The following SLC25A25 variants were observed in gnomAD, a reference collection of about 807,000 sequenced individuals.
SLC25A25 encodes solute carrier family 25 member 25.
SLC25A25 carries 32 observed loss-of-function variants against 57.7 expected under a neutral mutation model. The ratio of observed to expected loss-of-function variants is 0.55; its 90% confidence interval spans 0.42 to 0.74. SLC25A25 has a LOEUF of 0.74. SLC25A25 is among the 30% of genes least tolerant of loss of function. The pLI, the probability that SLC25A25 is intolerant of heterozygous loss-of-function variation, is 0.00. For synonymous variants in SLC25A25, 306 were observed against 291.2 expected, an observed-to-expected ratio of 1.05 and a Z score of -0.52; for missense variants, 556 against 701.3, an observed-to-expected ratio of 0.79 and a Z score of 2.34.
At chr9:128,076,937 T>C (rs1833029788) in intron 1 of SLC25A25, among the ~76,000 whole-genome samples, 1 of 152,214 alleles carries the variant, frequency 6.6e-6, no homozygotes, top group Non-Finnish European at 1.5e-5. Context: ...CCCTTTCTAT[T>C]GTGAACCTAA....
intron 1 of SLC25A25, among the ~76,000 whole-genome samples, chr9:128,069,918 A>ATTTT (rs758820179): frequency 1.9e-5 from 2 of 103,062 alleles, no homozygotes; most frequent in East Asian, 3.1e-4. Flanking sequence ...CACCCAGCTA[A>ATTTT]TTTTTTTTTT....
At chr9:128,077,126 C>T (rs1650943873) in intron 1 of SLC25A25, among the ~76,000 whole-genome samples, 1 of 152,214 alleles carries the variant, frequency 6.6e-6, no homozygotes, top group Non-Finnish European at 1.5e-5. Context: ...TATCATCATG[C>T]ACTTCTCAGG....
intron 1 of SLC25A25, among the ~76,000 whole-genome samples, chr9:128,079,864 G>A (rs899617369): frequency 2.0e-4 from 31 of 152,096 alleles, no homozygotes; most frequent in East Asian, 7.7e-4. Flanking sequence ...GGTGGTGCAC[G>A]CCTGTAGTCC....
In SLC25A25 at chr9:128,104,877, G is replaced by T. The variant is rs913285030; in HGVS notation, c.784-852G>T. Among the ~76,000 whole-genome samples the T allele has an allele frequency of 2.4e-4, 35 of 147,732 alleles. 1 individual carries two copies. The East Asian group carries it at 6.3e-3, about 26-fold the overall frequency. On this transcript the variant is annotated intron_variant, in intron 6 of 10. Coordinates refer to ENST00000373069, the MANE Select transcript of SLC25A25 (RefSeq NM_001330988.2). ...TATTATTATTATTATTATATTTTTT[G>T]AGACAGTCTCGCTCTGTCACCCAGG...
Position 128,074,284 on chromosome 9 carries a change from C to T in SLC25A25, c.261+5704C>T, listed in dbSNP as rs146676468. Among the ~76,000 whole-genome samples the T allele has an allele frequency of 1.1e-3, 166 of 151,738 alleles. 1 individual carries two copies. Among genetic ancestry groups the T allele is most frequent in the East Asian group, 6.8e-3 (35 of 5,112 alleles). ...CTCGAACTCCTGACCTCAGGCAGTC[C>T]GCCCACCTCAGCCTCCCAAAGTGCT... is the stretch of plus-strand genomic sequence containing the variant. On this transcript the variant is annotated intron_variant, in intron 1 of 10. Coordinates refer to ENST00000373069, the MANE Select transcript of SLC25A25 (RefSeq NM_001330988.2).
At chr9:128,074,908 G>C (rs1832977833) in intron 1 of SLC25A25, among the ~76,000 whole-genome samples, 1 of 151,910 alleles carries the variant, frequency 6.6e-6, no homozygotes, top group Non-Finnish European at 1.5e-5. Context: ...GGCTGAGGTG[G>C]GCAGATCACT....
At position 128,108,338 on chromosome 9, in the gene SLC25A25, C is replaced by G. The variant is rs1466984743; in HGVS notation, c.*894C>G. On this transcript the variant is annotated 3_prime_UTR_variant, in exon 11 of 11. Coordinates refer to ENST00000373069, the MANE Select transcript of SLC25A25 (RefSeq NM_001330988.2). ...GGACTGTTGGGAAAAGGGTTTTGTCCAGAAGGACAAGCCGGACAAATGAGC... is the reference window on the plus strand; with the variant it reads ...GGACTGTTGGGAAAAGGGTTTTGTCGAGAAGGACAAGCCGGACAAATGAGC... The G allele has an allele frequency of 5.0e-6, 2 of 398,264 alleles. No homozygotes were observed. Among genetic ancestry groups the G allele is most frequent in the Non-Finnish European group, 4.4e-6 (1 of 226,050 alleles). 24.7% of individuals were successfully genotyped at this position (398,264 alleles called of 1,614,324 possible).
chr9:128,088,172 G>A (rs1833319034), intron 1 of SLC25A25, among the ~76,000 whole-genome samples: 1 of 152,150 alleles, frequency 6.6e-6, no homozygotes, highest in Non-Finnish European at 1.5e-5. Flanking sequence ...GGCTTGCTTT[G>A]TTGGGCGGAA....
chr9:128,088,425 C>T (rs1264893360), intron 1 of SLC25A25, among the ~76,000 whole-genome samples: 1 of 152,172 alleles, frequency 6.6e-6, no homozygotes, highest in Non-Finnish European at 1.5e-5. Flanking sequence ...GCAGCTCTCT[C>T]CTCTCCGGCG....
Position 128,073,368 on chromosome 9 carries a change from C to T in SLC25A25, c.261+4788C>T, listed in dbSNP as rs147469177. Among the ~76,000 whole-genome samples the T allele has an allele frequency of 2.6e-5, 4 of 152,276 alleles. No homozygotes were observed. In the East Asian group the frequency reaches 7.7e-4, roughly 29 times the overall value. ...TACCCTGTCAAAGAACAAGAATCCG[C>T]CCTCCCCCATTTCTCTCCCTGACCC... On this transcript the variant is annotated intron_variant, in intron 1 of 10. Transcript: ENST00000373069.
chr9:128,101,348 A>T lies in SLC25A25; in HGVS notation c.428A>T (p.Asp143Val), dbSNP rs144383132. ...DAQEIMQSLR[D>V]LGVKISEQQA... The stretch of plus-strand genomic sequence containing the variant: ...CAGGAGATCATGCAGTCCCTGCGGG[A>T]CTTGGGAGTCAAGATATCTGAACAG... Residue 143 changes from aspartate (D) to valine (V), a missense_variant, in exon 3 of 11, where the codon GAC becomes GTC. By Grantham distance (152) the Asp-to-Val change is radical. Around this residue, in one of 3 missense-constraint regions of SLC25A25, gnomAD observed 248 missense variants for 273.5 expected, o/e 0.91. Transcript: ENST00000373069. This position sits in a 1 kb window ranked among gnomAD's most constrained non-coding sequence, Gnocchi z 4.9. 438 of 1,614,238 alleles carry T rather than the reference A, an allele frequency of 2.7e-4. No individual in the cohort carries two copies. Among genetic ancestry groups the T allele is most frequent in the Non-Finnish European group, 3.5e-4 (415 of 1,180,044 alleles).
intron 1 of SLC25A25, among the ~76,000 whole-genome samples, chr9:128,078,985 G>A (rs935260585): frequency 6.6e-6 from 1 of 152,096 alleles, no homozygotes; most frequent in Non-Finnish European, 1.5e-5. Context: ...ACAGGAAGCC[G>A]TGACTAAAAT....
chr9:128,098,648 G>A, intron 1 of SLC25A25: 2 of 1,614,180 alleles, frequency 1.2e-6, no homozygotes, highest in Non-Finnish European at 1.7e-6. Context: ...GGGGCTCCCT[G>A]CCGAGCTGAA....
At chr9:128,076,228 C>T (rs1195512702) in intron 1 of SLC25A25, among the ~76,000 whole-genome samples, 1 of 152,038 alleles carries the variant, frequency 6.6e-6, no homozygotes, top group African/African-American at 2.4e-5. Flanking sequence ...ACCTCCCAGA[C>T]TCAATCTATC....
In SLC25A25 at chr9:128,108,178, TGGG is replaced by T. The variant is rs1159338963; in HGVS notation, c.*735_*737del. On this transcript the variant is annotated 3_prime_UTR_variant, in exon 11 of 11. Transcript: ENST00000373069. ...TGAGCTGGCCTGGACCCTGTCAGGA[TGGG>T]CCCCACCTCAGAACCAAACTCACTG... is the stretch of plus-strand genomic sequence containing the variant. The T allele has an allele frequency of 2.5e-6, 1 of 399,048 alleles. No individual in the cohort carries two copies. Among genetic ancestry groups the T allele is most frequent in the Admixed American group, 4.4e-5 (1 of 22,710 alleles). The allele number at this position is 399,048 out of a possible 1,614,324, so 24.7% of individuals were successfully genotyped here.
rs749645833 is a variant in SLC25A25 at position 128,102,724 on chromosome 9, C to T, written c.624+243C>T. Among the ~76,000 whole-genome samples, 3 of 152,222 alleles carry T rather than the reference C, an allele frequency of 2.0e-5. No homozygotes were observed. Among genetic ancestry groups the T allele is most frequent in the African/African-American group, 4.8e-5 (2 of 41,454 alleles). On this transcript the variant is annotated intron_variant, in intron 5 of 10. Transcript: ENST00000373069. The surrounding 1 kb of genome is among the most constrained non-coding windows in gnomAD (Gnocchi z 4.1). The stretch of plus-strand genomic sequence containing the variant: ...GGCTTCCTCTTCCAGGAACACCCTC[C>T]GTCCCCACATGCTCCCTGCTCCCTG...
rs183825266 is a variant in SLC25A25 at position 128,086,422 on chromosome 9, C to G, written c.262-14674C>G. ...GATCTCAGCGCACCGCAACCTCCAC[C>G]TCCCAGGTTCAAGCAATTCTTCTGC... On this transcript the variant is annotated intron_variant, in intron 1 of 10. Transcript: ENST00000373069. 6.8e-4 allele frequency among the ~76,000 whole-genome samples: 103 copies of G among 151,588 alleles called. 1 individual carries two copies. Among genetic ancestry groups the G allele is most frequent in the African/African-American group, 2.4e-3 (98 of 41,288 alleles).
In SLC25A25 at chr9:128,101,357, T is replaced by C; in HGVS notation, c.437T>C (p.Val146Ala). The C allele has an allele frequency of 6.2e-7, 1 of 1,614,044 alleles. No homozygotes were observed. The highest frequency in any genetic ancestry group is 8.5e-7 in the Non-Finnish European group (1 of 1,180,026). ...ATGCAGTCCCTGCGGGACTTGGGAG[T>C]CAAGATATCTGAACAGCAGGCAGAA... ...EIMQSLRDLG[V>A]KISEQQAEKI... The change falls in exon 3 of 11, where the codon GTC becomes GCC. Residue 146 changes from valine to alanine, a missense_variant. By Grantham distance (64) the Val-to-Ala change is moderately conservative. This residue lies in a region of SLC25A25 where 248 missense variants were observed against 273.5 expected (regional missense o/e 0.91). Coordinates refer to ENST00000373069, the MANE Select transcript of SLC25A25 (RefSeq NM_001330988.2). This position sits in a 1 kb window ranked among gnomAD's most constrained non-coding sequence, Gnocchi z 4.9.
chr9:128,102,086 A>T lies in SLC25A25; in HGVS notation c.483A>T (p.Arg161=). ...QQAEKILKRI[R]TGHFWGPVTY... is the part of the protein sequence containing the mutation. ...TCCTTTGTCTGTCTGTCAGAATACG[A>T]ACGGGCCATTTCTGGGGCCCTGTCA... is the stretch of plus-strand genomic sequence containing the variant. Residue 161 remains arginine, a synonymous_variant, in exon 4 of 11, where the codon CGA becomes CGT. Coordinates refer to ENST00000373069, the MANE Select transcript of SLC25A25 (RefSeq NM_001330988.2). The surrounding 1 kb of genome is among the most constrained non-coding windows in gnomAD (Gnocchi z 4.1). 6.4e-7 allele frequency: 1 copy of T among 1,550,564 alleles called. No homozygotes were observed. The highest frequency in any genetic ancestry group is 8.7e-7 in the Non-Finnish European group (1 of 1,146,980).
Sources: allele counts gnomAD v4.1 joint callset (sites outside exome capture counted in the v4.1 genomes callset), GRCh38; gene constraint gnomAD v4.1.1; regional missense constraint gnomAD v4.1.1; non-coding constraint Gnocchi (gnomAD v3.1); transcripts MANE v1.5; gene names NCBI Gene and HGNC (gene_info 2026-07-23, HGNC 2026-07-21).